PRELID2: variants seen among roughly 807,000 people sequenced by gnomAD.
PRELID2 encodes PRELI domain-containing protein 2.
Under a neutral mutation model 28.4 loss-of-function variants are expected in PRELID2, and 25 were observed. The observed-to-expected ratio is 0.88, with a 90% CI of 0.64 to 1.23. The LOEUF (loss-of-function observed/expected upper bound fraction) is 1.23, where lower values mean the gene tolerates loss of function less well. PRELID2 is among the 50% of genes most tolerant of loss of function. The pLI is 0.00. For missense variants in PRELID2, 201 were observed against 214.4 expected (o/e 0.94, Z 0.39); for synonymous variants, 76 against 71.6 (o/e 1.06, Z -0.31).
At chr5:145,366,744 C>T in the PRELID2 span, among the ~76,000 whole-genome samples, 1 of 151,868 alleles carries the variant, frequency 6.6e-6, no homozygotes, top group Non-Finnish European at 1.5e-5. Flanking sequence ...CTTTAAGCCA[C>T]CAATCTTGTC....
the PRELID2 span, among the ~76,000 whole-genome samples, chr5:145,275,498 A>G: frequency 7.2e-5 from 11 of 151,990 alleles, no homozygotes; most frequent in Non-Finnish European, 1.5e-4. Flanking sequence ...AGAAAATAGC[A>G]TGTTTCCTGG....
At chr5:145,721,618 T>G (rs1443617080) in intron 1 of PRELID2, among the ~76,000 whole-genome samples, 1 of 152,078 alleles carries the variant, frequency 6.6e-6, no homozygotes, top group Non-Finnish European at 1.5e-5. Context: ...AGGATATTAG[T>G]TAATTGTGGA....
At chr5:145,384,235 T>C in the PRELID2 span, among the ~76,000 whole-genome samples, 4 of 152,174 alleles carry the variant, frequency 2.6e-5, no homozygotes, top group Non-Finnish European at 5.9e-5. Context: ...GGTCATCCAC[T>C]TACCAACCTG....
chr5:145,245,045 G>A, the PRELID2 span, among the ~76,000 whole-genome samples: 1 of 152,030 alleles, frequency 6.6e-6, no homozygotes, highest in African/African-American at 2.4e-5. Flanking sequence ...TAATGGTTAT[G>A]ATACTTCATT....
chr5:145,818,215 T>C lies in PRELID2; in HGVS notation c.208-161A>G, dbSNP rs542105499. Among the ~76,000 whole-genome samples the C allele has an allele frequency of 5.9e-5, 9 of 152,308 alleles. No individual in the cohort carries two copies. In the East Asian group the frequency reaches 1.7e-3, roughly 29 times the overall value. On this transcript the variant is annotated intron_variant, in intron 3 of 6. Coordinates refer to ENST00000683046, the MANE Select transcript of PRELID2 (RefSeq NM_205846.3). ...GCTGTACGTTTTTGATAATCAAACA[T>C]ACTATGACCTTACTAAGTGCTGGTG...
the PRELID2 span, among the ~76,000 whole-genome samples, chr5:145,392,478 T>C: frequency 6.6e-6 from 1 of 152,052 alleles, no homozygotes; most frequent in East Asian, 1.9e-4. Context: ...CAAATCAAGA[T>C]GAGATTTGGG....
At chr5:145,483,872 C>A (rs149896890) in intron 1 of PRELID2, among the ~76,000 whole-genome samples, 177 of 152,324 alleles carry the variant, frequency 1.2e-3, no homozygotes, top group African/African-American at 3.9e-3. Context: ...TAATACAGGG[C>A]AAGTGAGTGT....
chr5:145,602,082 G>A (rs1410014760), intron 1 of PRELID2, among the ~76,000 whole-genome samples: 1 of 152,166 alleles, frequency 6.6e-6, no homozygotes, highest in African/African-American at 2.4e-5. Flanking sequence ...GTATTGAAGA[G>A]AGTGGGCTCT....
chr5:145,577,168 C>T (rs1753068109), intron 1 of PRELID2, among the ~76,000 whole-genome samples: 1 of 152,084 alleles, frequency 6.6e-6, no homozygotes, highest in Admixed American at 6.6e-5. Context: ...TTTAAGTGCA[C>T]ATACATCAGT....
At chr5:145,755,415 T>C (rs1022755260), downstream of PRELID2, among the ~76,000 whole-genome samples, 2 of 152,334 alleles carry the variant, frequency 1.3e-5, no homozygotes, top group East Asian at 3.9e-4. Flanking sequence ...AGATTTTTCA[T>C]GGGAAATCAT....
chr5:145,670,324 G>A (rs954933549), intron 1 of PRELID2, among the ~76,000 whole-genome samples: 12 of 151,992 alleles, frequency 7.9e-5, no homozygotes, highest in Non-Finnish European at 1.6e-4. Flanking sequence ...CAAAGAGTGA[G>A]AACTCACCCA....
At chr5:145,554,301 A>G (rs1204279459) in intron 1 of PRELID2, among the ~76,000 whole-genome samples, 1 of 152,218 alleles carries the variant, frequency 6.6e-6, no homozygotes. Flanking sequence ...GAGAATGTGA[A>G]GTGGAAGAGA....
At chr5:145,340,770 C>CATATATATATATATATATATAT in the PRELID2 span, among the ~76,000 whole-genome samples, 102 of 116,542 alleles carry the variant, frequency 8.8e-4, 4 homozygotes, top group African/African-American at 1.1e-3. Context: ...TAAAAATATA[C>CATATATATATATATATATATAT]ATATATATAT....
chr5:145,729,617 G>A (rs1320831547), intron 1 of PRELID2, among the ~76,000 whole-genome samples: 1 of 152,188 alleles, frequency 6.6e-6, no homozygotes, highest in Non-Finnish European at 1.5e-5. Context: ...GTTCTTCCGA[G>A]TACTCAGCTT....
At chr5:145,787,013 T>C (rs1752035782) in intron 5 of PRELID2, among the ~76,000 whole-genome samples, 1 of 152,254 alleles carries the variant, frequency 6.6e-6, no homozygotes, top group Non-Finnish European at 1.5e-5. Flanking sequence ...TCAATCGTTC[T>C]CTGCTTCAGC....
downstream of PRELID2, among the ~76,000 whole-genome samples, chr5:145,467,740 T>TCATTCTAC (rs757387670): frequency 4.8e-4 from 72 of 150,820 alleles, no homozygotes; most frequent in Middle Eastern, 3.4e-3. Context: ...CTATTCTCAA[T>TCATTCTAC]CATTCTACCG....
chr5:145,610,240 A>C (rs10070030), intron 1 of PRELID2, among the ~76,000 whole-genome samples: 1,528 of 152,268 alleles, frequency 0.01, 23 homozygotes, highest in African/African-American at 0.034. Flanking sequence ...GAGCCCAGAC[A>C]GGCTAGTGGC....
At position 145,543,821 on chromosome 5, in the gene PRELID2, AG is replaced by A. The variant is rs565544287; in HGVS notation, n.71-70507del. On this transcript the variant is annotated intron_variant and non_coding_transcript_variant, in intron 1 of 2. Transcript: ENST00000510259. ...CCATCTAGAAAGAAACTGGGCTCTA[AG>A]GCTTCACTTTTCTCCCAGAAGTCAA... Among the ~76,000 whole-genome samples, 936 of 152,178 alleles carry A rather than the reference AG, an allele frequency of 6.2e-3. 10 individuals carry two copies. The highest frequency in any genetic ancestry group is 0.022 in the African/African-American group (904 of 41,538).
the PRELID2 span, among the ~76,000 whole-genome samples, chr5:145,443,313 C>T: frequency 2.0e-3 from 300 of 152,044 alleles, no homozygotes; most frequent in African/African-American, 7.0e-3. Context: ...TGTTTTATAC[C>T]CTGACAGATT....
Sources: allele counts gnomAD v4.1 joint callset (sites outside exome capture counted in the v4.1 genomes callset), GRCh38; gene constraint gnomAD v4.1.1; transcripts MANE v1.5; gene names NCBI Gene and HGNC (gene_info 2026-07-23, HGNC 2026-07-21).